The following TET2 variants were observed in gnomAD, a reference collection of about 807,000 sequenced individuals.
TET2 encodes the protein tet methylcytosine dioxygenase 2, also known as methylcytosine dioxygenase TET2.
In TET2, 299 loss-of-function variants were observed where a neutral mutation model predicts 142.9. The observed-to-expected ratio is 2.09, with a 90% confidence interval of 1.90 to 2.30. The LOEUF (loss-of-function observed/expected upper bound fraction) is 2.30. Among genes scored for constraint, TET2 ranks in the 30% most tolerant of loss-of-function variants. The pLI is 0.00. For missense variants in TET2, 2,418 were observed against 2,378.0 expected (o/e 1.02, Z -0.35); for synonymous variants, 819 against 849.0 (o/e 0.96, Z 0.61).
intron 2 of TET2, among the ~76,000 whole-genome samples, chr4:105,217,038 TTG>T (rs1727534277): frequency 6.6e-6 from 1 of 152,092 alleles, no homozygotes; most frequent in Non-Finnish European, 1.5e-5. Flanking sequence ...TACAATTTTT[TTG>T]TGTGTTCTTT....
chr4:105,221,288 C>T (rs1019110754), intron 2 of TET2, among the ~76,000 whole-genome samples: 1 of 151,978 alleles, frequency 6.6e-6, no homozygotes, highest in Non-Finnish European at 1.5e-5. Flanking sequence ...CTCATTTTAC[C>T]AATAAGAAAC....
chr4:105,238,685 C>T (rs879220080), intron 3 of TET2: 1 of 242,820 alleles, frequency 4.1e-6, no homozygotes. Context: ...CTGCAGTGAC[C>T]TCTCCACGGA....
rs1394464856 is a variant in TET2, at chr4:105,275,379, T to C, written c.4869T>C (p.Asn1623=). ...NPMNPYPGLL[N]QNTQYPSYQC... ...TGAACCCTTACCCTGGGCTTTTGAA[T>C]CAGAATACCCAATATCCATCATATC... The change falls in exon 11 of 11, where the codon AAT becomes AAC. Residue 1623 remains asparagine (N), a synonymous_variant. Transcript: ENST00000380013. 18 of 1,551,666 alleles carry C rather than the reference T, an allele frequency of 1.2e-5. No individual in the cohort carries two copies. The highest frequency in any genetic ancestry group is 1.6e-5 in the Non-Finnish European group (18 of 1,146,982).
At chr4:105,214,905 T>A (rs185826518) in intron 2 of TET2, among the ~76,000 whole-genome samples, 8 of 152,288 alleles carry the variant, frequency 5.3e-5, no homozygotes, top group Admixed American at 2.0e-4. Flanking sequence ...ACCAAACGTA[T>A]TGAACCCAAA....
intron 2 of TET2, among the ~76,000 whole-genome samples, chr4:105,208,339 G>A (rs545392145): frequency 5.9e-5 from 9 of 152,048 alleles, no homozygotes; most frequent in Admixed American, 1.3e-4. Context: ...GGTGGGAACT[G>A]GTAGCAAACA....
intron 2 of TET2, among the ~76,000 whole-genome samples, chr4:105,204,729 C>G (rs957034496): frequency 2.6e-5 from 4 of 152,110 alleles, no homozygotes; most frequent in African/African-American, 9.7e-5. Context: ...ACCATGCACT[C>G]TAGGTTTTCT....
At chr4:105,155,558 T>C (rs1041915983) in intron 1 of TET2, among the ~76,000 whole-genome samples, 2 of 152,206 alleles carry the variant, frequency 1.3e-5, no homozygotes, top group African/African-American at 4.8e-5. Context: ...TTGGGGTTGA[T>C]TGTATTTGAA....
At chr4:105,182,557 T>C (rs1725181459) in intron 1 of TET2, among the ~76,000 whole-genome samples, 1 of 152,250 alleles carries the variant, frequency 6.6e-6, no homozygotes, top group Admixed American at 6.5e-5. Flanking sequence ...ATGCATAGTT[T>C]GTTTTTAACA....
At chr4:105,228,820 C>A (rs1040662280) in intron 2 of TET2, among the ~76,000 whole-genome samples, 1 of 151,944 alleles carries the variant, frequency 6.6e-6, no homozygotes, top group Non-Finnish European at 1.5e-5. Flanking sequence ...TGATAGTGTC[C>A]TGATTTTGGA....
At chr4:105,159,376 C>A (rs1463643414) in intron 1 of TET2, among the ~76,000 whole-genome samples, 4 of 151,552 alleles carry the variant, frequency 2.6e-5, no homozygotes, top group Non-Finnish European at 5.9e-5. Flanking sequence ...CAGCCTCAGA[C>A]ACCCAAGTAG....
intron 3 of TET2, chr4:105,240,378 T>G: frequency 2.8e-6 from 3 of 1,070,412 alleles, no homozygotes; most frequent in Non-Finnish European, 2.3e-6. Context: ...TCTGTAGGAA[T>G]AGTGAAATAT....
intron 2 of TET2, among the ~76,000 whole-genome samples, chr4:105,208,923 T>G (rs183813193): frequency 1.4e-3 from 207 of 151,166 alleles, no homozygotes; most frequent in Middle Eastern, 3.4e-3. Flanking sequence ...GAAACAAGGA[T>G]AAAGAGACAA....
chr4:105,195,355 A>G (rs939990700), intron 2 of TET2, among the ~76,000 whole-genome samples: 3 of 152,202 alleles, frequency 2.0e-5, no homozygotes, highest in African/African-American at 7.2e-5. Context: ...TTTTCTCAAA[A>G]TGTGAAAATA....
At chr4:105,254,932 A>C (rs1253131500) in intron 6 of TET2, among the ~76,000 whole-genome samples, 3 of 152,168 alleles carry the variant, frequency 2.0e-5, no homozygotes, top group African/African-American at 7.2e-5. Context: ...TTCATCAATT[A>C]TATTTCAGAT....
chr4:105,239,235 A>C (rs1729150777), intron 3 of TET2: 3 of 242,064 alleles, frequency 1.2e-5, no homozygotes, highest in Non-Finnish European at 2.6e-5. Context: ...TGGAATTTTC[A>C]GAATGGTAAA....
At chr4:105,165,206 C>G (rs1386289736) in intron 1 of TET2, among the ~76,000 whole-genome samples, 2 of 151,984 alleles carry the variant, frequency 1.3e-5, no homozygotes, top group Admixed American at 1.3e-4. Context: ...GAAACCCCGT[C>G]TGTACCAAAA....
At position 105,279,447 on chromosome 4, in the gene TET2, C is replaced by T. The variant is rs1201531387; in HGVS notation, c.*2928C>T. The T allele has an allele frequency of 4.3e-6, 1 of 232,398 alleles. No individual in the cohort carries two copies. The highest frequency in any genetic ancestry group is 8.5e-6 in the Non-Finnish European group (1 of 117,650). The allele number at this position is 232,398 out of a possible 1,614,324, so 14.4% of individuals were successfully genotyped here. ...TAGGAATATCAGGTTGACTATATAGCCATACTTGAAAATGCTTCTGAGTGG... is the reference window on the plus strand; with the variant it reads ...TAGGAATATCAGGTTGACTATATAGTCATACTTGAAAATGCTTCTGAGTGG... On this transcript the variant is annotated 3_prime_UTR_variant, in exon 11 of 11. Coordinates refer to ENST00000380013, the MANE Select transcript of TET2 (RefSeq NM_001127208.3).
intron 2 of TET2, among the ~76,000 whole-genome samples, chr4:105,222,849 G>A (rs1380711901): frequency 6.6e-6 from 1 of 152,034 alleles, no homozygotes; most frequent in African/African-American, 2.4e-5. Context: ...ATGGTTTTAG[G>A]TCTAACGTTT....
At chr4:105,244,584 A>ATTTTTTTTTTT (rs1237638072) in intron 6 of TET2, among the ~76,000 whole-genome samples, 1 of 116,754 alleles carries the variant, frequency 8.6e-6, no homozygotes, top group Non-Finnish European at 1.7e-5. Context: ...CTACACAGAA[A>ATTTTTTTTTTT]TGTTTTTTTT....
Sources: allele counts gnomAD v4.1 joint callset (sites outside exome capture counted in the v4.1 genomes callset), GRCh38; gene constraint gnomAD v4.1.1; transcripts MANE v1.5; gene names NCBI Gene and HGNC (gene_info 2026-07-23, HGNC 2026-07-21).